Variants in KCNIP4 observed in about 807,000 individuals in gnomAD.
KCNIP4 encodes the protein Kv channel-interacting protein 4.
KCNIP4 carries 12 observed loss-of-function variants against 34.0 expected under a neutral mutation model. That is an observed-to-expected ratio of 0.35 (90% CI 0.23 to 0.57). KCNIP4 has a LOEUF of 0.57. Among genes scored for constraint, KCNIP4 ranks in the 20% least tolerant of loss-of-function variants. The pLI, the probability that KCNIP4 is intolerant of heterozygous loss-of-function variation, is 0.83. For synonymous variants in KCNIP4, 124 were observed against 102.2 expected (o/e 1.21, Z -1.29); for missense variants, 238 against 311.7 (o/e 0.76, Z 1.78).
intron 1 of KCNIP4, among the ~76,000 whole-genome samples, chr4:21,413,553 C>T (rs1470509822): frequency 1.3e-5 from 2 of 152,208 alleles, no homozygotes; most frequent in African/African-American, 2.4e-5. Flanking sequence ...TAACTTTGCT[C>T]ATACAGCACT....
chr4:21,577,210 T>A (rs1398269968), intron 1 of KCNIP4, among the ~76,000 whole-genome samples: 1 of 152,178 alleles, frequency 6.6e-6, no homozygotes, highest in African/African-American at 2.4e-5. Context: ...TTCCCCTGTC[T>A]GAAAAACCCT....
At chr4:21,740,292 G>A (rs1716306472) in intron 1 of KCNIP4, among the ~76,000 whole-genome samples, 2 of 151,964 alleles carry the variant, frequency 1.3e-5, no homozygotes, top group Non-Finnish European at 2.9e-5. Flanking sequence ...TTCTATAGAA[G>A]AAACACTTGA....
chr4:21,539,583 A>G (rs1316484312), intron 1 of KCNIP4, among the ~76,000 whole-genome samples: 4 of 152,156 alleles, frequency 2.6e-5, no homozygotes, highest in Admixed American at 1.3e-4. Flanking sequence ...ATCTTACAGG[A>G]AATGGATCAC....
chr4:20,926,214 C>T (rs1489442288), intron 1 of KCNIP4, among the ~76,000 whole-genome samples: 1 of 152,234 alleles, frequency 6.6e-6, no homozygotes, highest in African/African-American at 2.4e-5. Flanking sequence ...CAGGCCTGCT[C>T]TGTTAAGGCT....
intron 1 of KCNIP4, among the ~76,000 whole-genome samples, chr4:21,864,836 T>C (rs972546346): frequency 2.6e-5 from 4 of 151,984 alleles, no homozygotes; most frequent in Non-Finnish European, 4.4e-5. Context: ...TACCTTCCAG[T>C]GAAATAAAAG....
intron 3 of KCNIP4, among the ~76,000 whole-genome samples, chr4:20,780,463 G>A (rs1359245611): frequency 6.6e-6 from 1 of 152,182 alleles, no homozygotes; most frequent in Non-Finnish European, 1.5e-5. Context: ...AGTCTGGAAT[G>A]AGTATGATAC....
chr4:20,755,284 G>T (rs887950965), intron 4 of KCNIP4, among the ~76,000 whole-genome samples: 12 of 152,180 alleles, frequency 7.9e-5, no homozygotes, highest in Non-Finnish European at 1.6e-4. Flanking sequence ...GCACAAAATT[G>T]TTTTAAATCC....
intron 1 of KCNIP4, among the ~76,000 whole-genome samples, chr4:21,386,664 T>C (rs1169536549): frequency 6.6e-6 from 1 of 152,146 alleles, no homozygotes; most frequent in Non-Finnish European, 1.5e-5. Context: ...GCAGATTCAG[T>C]ATAAACAGAT....
chr4:20,989,610 T>G (rs1017071204), intron 1 of KCNIP4, among the ~76,000 whole-genome samples: 2 of 152,154 alleles, frequency 1.3e-5, no homozygotes, highest in African/African-American at 4.8e-5. Context: ...AAACCTAATC[T>G]AGGTCATTGA....
Position 21,044,520 on chromosome 4 carries a change from C to G in KCNIP4, c.62-161811G>C, listed in dbSNP as rs542992496. Among the ~76,000 whole-genome samples the G allele has an allele frequency of 2.0e-3, 300 of 152,272 alleles. 3 individuals carry two copies. The highest frequency in any genetic ancestry group is 4.2e-3 in the Admixed American group (65 of 15,296). On this transcript the variant is annotated intron_variant, in intron 1 of 8. Coordinates refer to ENST00000382152, the MANE Select transcript of KCNIP4 (RefSeq NM_025221.6). ...AGAGACAGGGTTTCACCATGTTGGCCAGGATGGTCTCGATCTCTTGACCTC... is the reference window on the plus strand; with the variant it reads ...AGAGACAGGGTTTCACCATGTTGGCGAGGATGGTCTCGATCTCTTGACCTC...
chr4:21,687,302 T>G (rs1750882958), intron 1 of KCNIP4, among the ~76,000 whole-genome samples: 1 of 141,762 alleles, frequency 7.1e-6, no homozygotes. Flanking sequence ...ACATATACCC[T>G]AAAACTTAAA....
intron 1 of KCNIP4, among the ~76,000 whole-genome samples, chr4:21,134,511 G>A (rs111867403): frequency 6.6e-6 from 1 of 152,068 alleles, no homozygotes; most frequent in African/African-American, 2.4e-5. Context: ...CTGCAAACGG[G>A]GGTCAGCATC....
At chr4:20,864,395 TA>T (rs1164902528) in intron 2 of KCNIP4, among the ~76,000 whole-genome samples, 2 of 150,830 alleles carry the variant, frequency 1.3e-5, no homozygotes, top group Non-Finnish European at 3.0e-5. Flanking sequence ...ATACATGTTA[TA>T]TATATATAAC....
chr4:20,831,185 C>A (rs1578724283), intron 3 of KCNIP4, among the ~76,000 whole-genome samples: 1 of 143,894 alleles, frequency 6.9e-6, no homozygotes, highest in East Asian at 2.0e-4. Context: ...GCATCAGGAT[C>A]TAGCACATAT....
chr4:21,664,940 TA>T, intron 1 of KCNIP4, among the ~76,000 whole-genome samples: 1 of 152,276 alleles, frequency 6.6e-6, no homozygotes, highest in East Asian at 1.9e-4. Flanking sequence ...AATAAAAGCC[TA>T]AAAAATGAAA....
chr4:21,377,918 G>T (rs1721113200), intron 1 of KCNIP4, among the ~76,000 whole-genome samples: 1 of 152,206 alleles, frequency 6.6e-6, no homozygotes, highest in African/African-American at 2.4e-5. Flanking sequence ...ACTCGAGGTT[G>T]ATCAGGTGGT....
chr4:21,064,846 C>G, intron 1 of KCNIP4, among the ~76,000 whole-genome samples: 1 of 152,090 alleles, frequency 6.6e-6, no homozygotes, highest in East Asian at 1.9e-4. Context: ...AAGAAAAAAA[C>G]TCTACATAAA....
intron 1 of KCNIP4, among the ~76,000 whole-genome samples, chr4:21,761,655 A>G (rs1718063480): frequency 6.6e-6 from 1 of 152,056 alleles, no homozygotes; most frequent in South Asian, 2.1e-4. Context: ...AACTCTCAAA[A>G]TAAATATACC....
At chr4:21,363,361 T>C (rs1467319712) in intron 1 of KCNIP4, among the ~76,000 whole-genome samples, 1 of 152,062 alleles carries the variant, frequency 6.6e-6, no homozygotes, top group Non-Finnish European at 1.5e-5. Flanking sequence ...TGAATATAGA[T>C]AAGAGATACA....
Sources: allele counts gnomAD v4.1 joint callset (sites outside exome capture counted in the v4.1 genomes callset), GRCh38; gene constraint gnomAD v4.1.1; transcripts MANE v1.5; gene names NCBI Gene and HGNC (gene_info 2026-07-23, HGNC 2026-07-21).